The following DIS3L2 variants were observed in gnomAD, a reference collection of about 807,000 sequenced individuals.
The protein encoded by DIS3L2 is DIS3-like exonuclease 2.
DIS3L2 carries 34 observed loss-of-function variants against 97.5 expected under a neutral mutation model. The observed-to-expected ratio is 0.35, with a 90% CI of 0.27 to 0.46. The LOEUF (loss-of-function observed/expected upper bound fraction) is 0.46. Ranked by LOEUF, DIS3L2 falls within the 20% of genes least tolerant of loss-of-function variation. The pLI, the probability that DIS3L2 is intolerant of heterozygous loss-of-function variation, is 1.00. For synonymous variants in DIS3L2, 435 were observed against 445.2 expected (o/e 0.98, Z 0.29); for missense variants, 1,038 against 1,146.0 (o/e 0.91, Z 1.36).
chr2:232,322,281 G>A (rs1411659707), intron 14 of DIS3L2, among the ~76,000 whole-genome samples: 1 of 152,324 alleles, frequency 6.6e-6, no homozygotes, highest in South Asian at 2.1e-4. Context: ...CAAGCCCTTC[G>A]AGCTCACTGA....
intron 13 of DIS3L2, among the ~76,000 whole-genome samples, chr2:232,274,018 C>T (rs1024363585): frequency 1.3e-5 from 2 of 152,198 alleles, no homozygotes; most frequent in South Asian, 2.1e-4. Context: ...TTAGCTGCTG[C>T]TGGACTGTCT....
At chr2:231,987,082 G>C (rs1693434314) in intron 1 of DIS3L2, among the ~76,000 whole-genome samples, 1 of 152,152 alleles carries the variant, frequency 6.6e-6, no homozygotes, top group South Asian at 2.1e-4. Context: ...ATTAGAAATA[G>C]AGTTTATAGG....
chr2:232,102,195 G>A (rs1697223224), intron 6 of DIS3L2, among the ~76,000 whole-genome samples: 1 of 152,138 alleles, frequency 6.6e-6, no homozygotes, highest in South Asian at 2.1e-4. Flanking sequence ...GGAAATACAG[G>A]GGATATTGGA....
intron 1 of DIS3L2, among the ~76,000 whole-genome samples, chr2:231,979,971 A>G (rs1693206971): frequency 6.6e-6 from 1 of 152,180 alleles, no homozygotes; most frequent in Admixed American, 6.5e-5. Flanking sequence ...GTGATTTGAA[A>G]TACTTTTAAA....
chr2:232,029,971 C>T lies in DIS3L2; in HGVS notation c.265-8C>T. The T allele has an allele frequency of 6.4e-7, 1 of 1,570,722 alleles. No individual in the cohort carries two copies. Among genetic ancestry groups the T allele is most frequent in the South Asian group, 1.2e-5 (1 of 82,708 alleles). On this transcript the variant is annotated splice_region_variant and splice_polypyrimidine_tract_variant and intron_variant, in intron 4 of 20. Coordinates refer to ENST00000325385, the MANE Select transcript of DIS3L2 (RefSeq NM_152383.5). ...CTCACTATTGTTTTATTTCTTTTTCCAACCTAGGATGGTGATCGAGACATT... is the reference window on the plus strand; with the variant it reads ...CTCACTATTGTTTTATTTCTTTTTCTAACCTAGGATGGTGATCGAGACATT...
intron 10 of DIS3L2, among the ~76,000 whole-genome samples, chr2:232,231,826 T>C (rs571883919): frequency 6.6e-6 from 1 of 152,368 alleles, no homozygotes; most frequent in East Asian, 1.9e-4. Flanking sequence ...CTGCCCATCA[T>C]GCTGATTACA....
intron 13 of DIS3L2, among the ~76,000 whole-genome samples, chr2:232,279,568 G>A (rs367594492): frequency 5.9e-5 from 9 of 151,664 alleles, no homozygotes; most frequent in South Asian, 2.1e-4. Context: ...TTGCACTATC[G>A]CCCAGGCTGG....
Position 231,968,042 on chromosome 2 carries a change from A to G in DIS3L2, c.-94+6277A>G, listed in dbSNP as rs115358158. On this transcript the variant is annotated intron_variant, in intron 1 of 20. Coordinates refer to ENST00000325385, the MANE Select transcript of DIS3L2 (RefSeq NM_152383.5). ...AAACAGGACATTGATCATATCTATT[A>G]TGCCCAAAGCTGTTTTCATACCCCT... 4.5e-3 allele frequency among the ~76,000 whole-genome samples: 681 copies of G among 151,760 alleles called. 2 individuals are homozygous for G. The highest frequency in any genetic ancestry group is 8.2e-3 in the Non-Finnish European group (558 of 67,962).
chr2:231,970,224 A>G (rs577269143), intron 1 of DIS3L2, among the ~76,000 whole-genome samples: 155 of 152,314 alleles, frequency 1.0e-3, no homozygotes, highest in Non-Finnish European at 1.6e-3. Flanking sequence ...TTGGGATTAC[A>G]GGTGTGAGCC....
intron 1 of DIS3L2, among the ~76,000 whole-genome samples, chr2:231,995,025 G>A (rs927552756): frequency 1.5e-4 from 23 of 151,916 alleles, no homozygotes; most frequent in African/African-American, 5.6e-4. Flanking sequence ...GGCTGGTCTC[G>A]AACTCCTGAG....
intron 1 of DIS3L2, among the ~76,000 whole-genome samples, chr2:232,005,110 T>A (rs1180516943): frequency 6.6e-6 from 1 of 151,994 alleles, no homozygotes; most frequent in African/African-American, 2.4e-5. Flanking sequence ...TTTTGGATTG[T>A]TTCCTGAATA....
intron 14 of DIS3L2, among the ~76,000 whole-genome samples, chr2:232,304,108 G>A (rs907826136): frequency 3.3e-5 from 5 of 151,844 alleles, no homozygotes; most frequent in Admixed American, 3.3e-4. Context: ...ATCTGGAGGT[G>A]TGAGGCCTCA....
intron 10 of DIS3L2, among the ~76,000 whole-genome samples, chr2:232,211,815 T>G (rs1405602581): frequency 6.6e-6 from 1 of 152,214 alleles, no homozygotes; most frequent in East Asian, 1.9e-4. Context: ...TTATCTTCCT[T>G]GAAACTATGG....
Position 232,238,500 on chromosome 2 carries a change from G to A in DIS3L2, c.1205-33G>A, listed in dbSNP as rs368307630. ...GGGAGAGAATGCTGTGGCCTTCCAC[G>A]CCAGCCTGATAGTCCTTCTCGTGCA... On this transcript the variant is annotated intron_variant, in intron 10 of 20. Coordinates refer to ENST00000325385, the MANE Select transcript of DIS3L2 (RefSeq NM_152383.5). 1.3e-5 allele frequency: 21 copies of A among 1,587,660 alleles called. No individual in the cohort carries two copies. In the South Asian group the frequency reaches 1.4e-4, roughly 11 times the overall value.
intron 5 of DIS3L2, among the ~76,000 whole-genome samples, chr2:232,073,669 A>T (rs1696101159): frequency 6.6e-6 from 1 of 152,240 alleles, no homozygotes; most frequent in South Asian, 2.1e-4. Context: ...GTGAGCCAGC[A>T]TAATGGAAAG....
At chr2:232,049,541 A>G (rs1315396327) in intron 5 of DIS3L2, among the ~76,000 whole-genome samples, 3 of 152,158 alleles carry the variant, frequency 2.0e-5, no homozygotes, top group Non-Finnish European at 4.4e-5. Context: ...CCACATGATG[A>G]CACAGCAAGA....
At position 232,335,885 on chromosome 2, in the gene DIS3L2, C is replaced by T. The variant is rs1320560452; in HGVS notation, c.2496+11C>T. The T allele has an allele frequency of 1.9e-6, 3 of 1,550,176 alleles. No homozygotes were observed. Among genetic ancestry groups the T allele is most frequent in the Admixed American group, 3.9e-5 (2 of 51,000 alleles). On this transcript the variant is annotated intron_variant, in intron 20 of 20. Coordinates refer to ENST00000325385, the MANE Select transcript of DIS3L2 (RefSeq NM_152383.5). Reference sequence around the variant, plus strand: ...GAGCCAGCACAGCAGGTCAGAACCCCTCTGTGTCCCAGCCCCCTAAGTCCT... The same window carrying T: ...GAGCCAGCACAGCAGGTCAGAACCCTTCTGTGTCCCAGCCCCCTAAGTCCT...
At chr2:232,092,203 G>A (rs1024529993) in intron 6 of DIS3L2, among the ~76,000 whole-genome samples, 1 of 152,058 alleles carries the variant, frequency 6.6e-6, no homozygotes, top group Non-Finnish European at 1.5e-5. Context: ...TGAGTTCACT[G>A]TGGATGTATG....
chr2:232,087,839 T>G, intron 6 of DIS3L2, 118 bp downstream of exon 6: 1 of 803,218 alleles, frequency 1.2e-6, no homozygotes, highest in Non-Finnish European at 1.9e-6. Context: ...ATTTTTGACC[T>G]GTGGCAGCTT....
Sources: allele counts gnomAD v4.1 joint callset (sites outside exome capture counted in the v4.1 genomes callset), GRCh38; gene constraint gnomAD v4.1.1; transcripts MANE v1.5; gene names NCBI Gene and HGNC (gene_info 2026-07-23, HGNC 2026-07-21).